The following NOM1 variants were observed in gnomAD, a reference collection of about 807,000 sequenced individuals.
The protein encoded by NOM1 is nucleolar protein with MIF4G domain 1, also known as nucleolar MIF4G domain-containing protein 1.
A neutral mutation model predicts 73.3 loss-of-function variants in NOM1; 58 were observed. That is an observed-to-expected ratio of 0.79 (90% CI 0.64 to 0.99). NOM1 has a LOEUF of 0.99. Among genes scored for constraint, NOM1 ranks in the 50% least tolerant of loss-of-function variants. NOM1 has a pLI of 0.00. For missense variants in NOM1, 1,226 were observed against 1,131.9 expected, an observed-to-expected ratio of 1.08 and a Z score of -1.19; for synonymous variants, 487 against 446.8, an observed-to-expected ratio of 1.09 and a Z score of -1.14.
rs769869177 is a variant in NOM1, at chr7:156,950,433, C to A, written c.696C>A (p.Tyr232Ter). 4 of 1,613,928 alleles carry A rather than the reference C, an allele frequency of 2.5e-6. No individual in the cohort carries two copies. The East Asian group carries it at 8.9e-5, about 36-fold the overall frequency. Residue 232 changes from tyrosine (Y) to a stop codon, truncating the protein, a stop_gained, in exon 1 of 11, where the codon TAC becomes TAA. Coordinates refer to ENST00000275820, the MANE Select transcript of NOM1 (RefSeq NM_138400.2). LOFTEE classifies it high-confidence loss of function. ...ALESGKNSGLYDSSGEEEEDA... is the reference protein window; with the variant it reads ...ALESGKNSGL ...AGTCTGGGAAAAATAGCGGCTTGTA[C>A]GACAGCAGTGGTGAGGAGGAGGAAG...
rs759146724 is a variant in NOM1 at position 156,952,606 on chromosome 7, TGTA to T, written c.1112+11_1112+13del. ...AAAAGGTCTACTTAACAGGTGACCT[TGTA>T]GTGTTGTTACACTGTGTCACTTAGA... On this transcript the variant is annotated intron_variant, in intron 2 of 10. Coordinates refer to ENST00000275820, the MANE Select transcript of NOM1 (RefSeq NM_138400.2). 2.5e-6 allele frequency: 4 copies of T among 1,611,008 alleles called. No individual in the cohort carries two copies. The highest frequency in any genetic ancestry group is 3.4e-6 in the Non-Finnish European group (4 of 1,179,272).
In NOM1 at chr7:156,952,660, G is replaced by C. The variant is rs1804624087; in HGVS notation, c.1112+62G>C. 4.5e-6 allele frequency: 7 copies of C among 1,548,564 alleles called. No individual in the cohort carries two copies. In the African/African-American group the frequency reaches 6.9e-5, roughly 15 times the overall value. ...GAGGTTGTCTGTTTCCTAAAATGTA[G>C]GAATTATCCCAGCAATTCAAATAGA... On this transcript the variant is annotated intron_variant, in intron 2 of 10. Coordinates refer to ENST00000275820, the MANE Select transcript of NOM1 (RefSeq NM_138400.2).
chr7:156,968,284 C>T (rs1466912705), intron 9 of NOM1, among the ~76,000 whole-genome samples: 1 of 152,180 alleles, frequency 6.6e-6, no homozygotes. Flanking sequence ...GCGGGAGAGG[C>T]GTGGCAGGAG....
intron 7 of NOM1, chr7:156,966,018 T>C: frequency 5.8e-6 from 3 of 516,242 alleles, no homozygotes; most frequent in Non-Finnish European, 1.0e-5. Flanking sequence ...CTGTCGACTT[T>C]TGCAGCGACG....
intron 1 of NOM1, among the ~76,000 whole-genome samples, chr7:156,950,975 G>A (rs554130915): frequency 6.6e-6 from 1 of 152,296 alleles, no homozygotes; most frequent in East Asian, 1.9e-4. Context: ...CCACAGTGCA[G>A]CATCTTCATT....
At chr7:156,962,509 G>A (rs190938798) in intron 5 of NOM1, among the ~76,000 whole-genome samples, 1 of 152,296 alleles carries the variant, frequency 6.6e-6, no homozygotes, top group African/African-American at 2.4e-5. Flanking sequence ...CCTCACCCCG[G>A]GTGCTAAACT....
intron 9 of NOM1, 85 bp downstream of exon 9, chr7:156,967,177 C>T (rs1260706982): frequency 1.4e-6 from 2 of 1,476,226 alleles, no homozygotes; most frequent in African/African-American, 2.8e-5. Context: ...CCTGTTTTAC[C>T]AGCGTATTTT....
chr7:156,964,195 C>A, intron 7 of NOM1, 169 bp downstream of exon 7: 1 of 512,752 alleles, frequency 2.0e-6, no homozygotes, highest in Non-Finnish European at 3.3e-6. Context: ...CTGGGTTAGT[C>A]GTCATGTTCC....
chr7:156,969,186 A>G lies in NOM1; in HGVS notation c.2398A>G (p.Ile800Val). The change falls in exon 10 of 11, where the codon ATT (isoleucine) becomes GTT (valine). Residue 800 changes from isoleucine to valine, a missense_variant. By Grantham distance (29) the Ile-to-Val change is conservative (BLOSUM62 3). Coordinates refer to ENST00000275820, the MANE Select transcript of NOM1 (RefSeq NM_138400.2). ...AACAGAAGTTGAAGACCTCAGTTTA[A>G]TTTTCACAAGGTATGTGCCCCACCC... ...METEVEDLSLIFTRVSDNPKL... is the reference protein window; with the variant it reads ...METEVEDLSLVFTRVSDNPKL... The G allele has an allele frequency of 6.6e-7, 1 of 1,523,676 alleles. No individual in the cohort carries two copies. The highest frequency in any genetic ancestry group is 1.1e-5 in the South Asian group (1 of 89,270). The allele number at this position is 1,523,676 out of a possible 1,614,324, so 94.4% of individuals were successfully genotyped here.
chr7:156,956,945 A>G (rs536067875), intron 3 of NOM1, among the ~76,000 whole-genome samples: 11 of 152,192 alleles, frequency 7.2e-5, no homozygotes, highest in Non-Finnish European at 1.0e-4. Flanking sequence ...AATCATCAGA[A>G]TGATCTTAGT....
chr7:156,959,366 G>T (rs2134783797), intron 3 of NOM1, among the ~76,000 whole-genome samples: 1 of 151,820 alleles, frequency 6.6e-6, no homozygotes, highest in East Asian at 1.9e-4. Context: ...CCTCCCAAAA[G>T]TGCTGGGTTT....
intron 3 of NOM1, among the ~76,000 whole-genome samples, chr7:156,957,209 C>T (rs1804745573): frequency 6.6e-6 from 1 of 152,164 alleles, no homozygotes; most frequent in African/African-American, 2.4e-5. Flanking sequence ...CAGCTGCTTT[C>T]AGTCCTGTAC....
chr7:156,950,118 G>A lies in NOM1; in HGVS notation c.381G>A (p.Glu127=). The A allele has an allele frequency of 6.4e-7, 1 of 1,555,788 alleles. No homozygotes were observed. Among genetic ancestry groups the A allele is most frequent in the Non-Finnish European group, 8.7e-7 (1 of 1,153,392 alleles). The change falls in exon 1 of 11, where the codon GAG becomes GAA. Residue 127 remains glutamate (E), a synonymous_variant. Coordinates refer to ENST00000275820, the MANE Select transcript of NOM1 (RefSeq NM_138400.2). The stretch of plus-strand genomic sequence containing the variant: ...CCAGCGGTCACCGGCAGGACACGGA[G>A]GAGCGCGCCCGCCCAGCCCCTAGTC... The part of the protein sequence containing the change: ...EEASGHRQDT[E]ERARPAPSRD...
rs1805128436 is a variant in NOM1, at chr7:156,971,005, G to A, written c.*1302G>A. ...CATGAAGAAAATATAGTTACTGCCT[G>A]CAAAGAATTAACATCCGTCTAGTGG... On this transcript the variant is annotated 3_prime_UTR_variant, in exon 11 of 11. Transcript: ENST00000275820. The A allele has an allele frequency of 6.6e-6, 1 of 152,286 alleles. No homozygotes were observed. The highest frequency in any genetic ancestry group is 1.5e-5 in the Non-Finnish European group (1 of 68,028). 9.4% of individuals were successfully genotyped at this position (152,286 alleles called of 1,614,324 possible).
chr7:156,961,573 T>C (rs1042316245), intron 4 of NOM1, among the ~76,000 whole-genome samples: 6 of 152,058 alleles, frequency 3.9e-5, no homozygotes, highest in Admixed American at 1.3e-4. Context: ...GTGGTGATAG[T>C]TGCACAACTC....
Position 156,970,419 on chromosome 7 carries a change from T to G in NOM1, c.*716T>G, listed in dbSNP as rs1310249333. On this transcript the variant is annotated 3_prime_UTR_variant, in exon 11 of 11. Transcript: ENST00000275820. ...AAAACCATCCCTTAAAGGTGATTGT[T>G]TTTTTGAGACAGAGTCTTGCTCTGT... 6.6e-6 allele frequency: 1 copy of G among 152,228 alleles called. No individual in the cohort carries two copies. The highest frequency in any genetic ancestry group is 2.4e-5 in the African/African-American group (1 of 41,428). 9.4% of individuals were successfully genotyped at this position (152,228 alleles called of 1,614,324 possible).
rs548746128 is a variant in NOM1, at chr7:156,958,080, T to C, written c.1309-1771T>C. On this transcript the variant is annotated intron_variant, in intron 3 of 10. Transcript: ENST00000275820. ...CAGTCTGTTGCCTTTCTCTGGATTC[T>C]TCTAGCGTTGATTTCTTTGCAGTCC... Among the ~76,000 whole-genome samples, 10 of 142,186 alleles carry C rather than the reference T, an allele frequency of 7.0e-5. No homozygotes were observed. The East Asian group carries it at 1.9e-3, about 28-fold the overall frequency. The allele number at this position is 142,186 out of a possible 152,430, so 93.3% of individuals were successfully genotyped here. A position where few individuals can be genotyped will look rare whatever the true frequency, so the allele number is the denominator to read the frequency against.
intron 7 of NOM1, 135 bp from the exon 8 acceptor site, chr7:156,966,135 C>T (rs550426411): frequency 2.0e-5 from 21 of 1,062,298 alleles, no homozygotes; most frequent in Non-Finnish European, 2.6e-5. Context: ...TGGTGTCTGC[C>T]GCTGCCTCCA....
rs150260106 is a variant in NOM1 at position 156,961,887 on chromosome 7, T to C, written c.1633-264T>C. Among the ~76,000 whole-genome samples the C allele has an allele frequency of 7.0e-4, 106 of 151,888 alleles. 1 individual carries two copies. Among genetic ancestry groups the C allele is most frequent in the African/African-American group, 2.5e-3 (104 of 41,430 alleles). ...GGACGGTGCGGAAGGGTGAGGCGTG[T>C]GGCGAGCAGAAGGGAAAAGAGATCT... On this transcript the variant is annotated intron_variant, in intron 4 of 10. Transcript: ENST00000275820.
Sources: gnomAD v4.1 joint callset for allele counts (sites outside exome capture counted in the v4.1 genomes callset) on GRCh38, gnomAD v4.1.1 for gene constraint, MANE v1.5 for transcripts, NCBI Gene and HGNC (gene_info 2026-07-23, HGNC 2026-07-21) for gene names.